ASPA: variants seen among roughly 807,000 people sequenced by gnomAD.
The protein encoded by ASPA is ACY-2.
Under a neutral mutation model 29.6 loss-of-function variants are expected in ASPA, and 25 were observed. The ratio of observed to expected loss-of-function variants is 0.85; its 90% CI spans 0.62 to 1.18. ASPA has a LOEUF of 1.18. ASPA is among the 50% of genes most tolerant of loss of function. The pLI is 0.00. For missense variants in ASPA, 333 were observed against 385.7 expected, an observed-to-expected ratio of 0.86 and a Z score of 1.14; for synonymous variants, 131 against 130.3, an observed-to-expected ratio of 1.01 and a Z score of -0.04.
At position 3,480,492 on chromosome 17, in the gene ASPA, ATAAGCCAGTT is replaced by A. The variant is rs370110295; in HGVS notation, c.237-1108_237-1099del. 4.2e-3 allele frequency among the ~76,000 whole-genome samples: 643 copies of A among 152,364 alleles called. 7 individuals are homozygous for A. The highest frequency in any genetic ancestry group is 0.014 in the African/African-American group (584 of 41,586). ...TCCTACGTGGGGACCACGAGACCAG[ATAAGCCAGTT>A]TATCCATCTGGGTGGTGCCAGCTGA... On this transcript the variant is annotated intron_variant, in intron 1 of 5. Transcript: ENST00000263080.
At chr17:3,494,286 G>T in intron 4 of ASPA, 64 bp from the exon 5 acceptor site, 1 of 1,279,482 alleles carries the variant, frequency 7.8e-7, no homozygotes, top group South Asian at 1.2e-5. Context: ...TGACAGGCAT[G>T]AGCCACCACA....
rs2150750175 is a variant in ASPA at position 3,485,425 on chromosome 17, A to G, written c.526+1833A>G. 6.6e-6 allele frequency among the ~76,000 whole-genome samples: 1 copy of G among 152,318 alleles called. No homozygotes were observed. Among genetic ancestry groups the G allele is most frequent in the Non-Finnish European group, 1.5e-5 (1 of 68,022 alleles). On this transcript the variant is annotated intron_variant, in intron 3 of 5. Coordinates refer to ENST00000263080, the MANE Select transcript of ASPA (RefSeq NM_000049.4). The surrounding 1 kb of genome is among the most constrained non-coding windows in gnomAD (Gnocchi z 4.4). ...TATAAAATACTAGCCAACCAGGAGA[A>G]TCGCTTGAACCCCGGAGGTGGAGGT...
intron 4 of ASPA, among the ~76,000 whole-genome samples, chr17:3,492,485 A>T (rs1243345729): frequency 6.6e-6 from 1 of 152,186 alleles, no homozygotes; most frequent in African/African-American, 2.4e-5. Flanking sequence ...CCGCGTCCAC[A>T]TCCTGGCAGT....
At chr17:3,493,603 T>C (rs932295053) in intron 4 of ASPA, among the ~76,000 whole-genome samples, 1 of 144,650 alleles carries the variant, frequency 6.9e-6, no homozygotes, top group Non-Finnish European at 1.5e-5. Context: ...AAGAGCACGA[T>C]ACTGAAGTCA....
rs1324973250 is a variant in ASPA, at chr17:3,495,567, T to C, written c.744+1108T>C. ...CAGTGTTTGTTTTTGTTTTTGTTTT[T>C]GTTTTTGTTTTTGTTTTTTGAGATG... On this transcript the variant is annotated intron_variant, in intron 5 of 5. Coordinates refer to ENST00000263080, the MANE Select transcript of ASPA (RefSeq NM_000049.4). Among the ~76,000 whole-genome samples, 7 of 152,066 alleles carry C rather than the reference T, an allele frequency of 4.6e-5. No individual in the cohort carries two copies. The South Asian group carries it at 8.3e-4, about 18-fold the overall frequency.
At chr17:3,478,728 A>G (rs1005710269) in intron 1 of ASPA, among the ~76,000 whole-genome samples, 1 of 152,194 alleles carries the variant, frequency 6.6e-6, no homozygotes, top group South Asian at 2.1e-4. Context: ...TTGAAAAATT[A>G]TAAAATAGAT....
At position 3,481,530 on chromosome 17, in the gene ASPA, C is replaced by T. The variant is rs2073626420; in HGVS notation, c.237-73C>T. The T allele has an allele frequency of 4.3e-6, 6 of 1,408,682 alleles. No individual in the cohort carries two copies. In the East Asian group the frequency reaches 7.2e-5, roughly 17 times the overall value. The allele number at this position is 1,408,682 out of a possible 1,614,324, so 87.3% of individuals were successfully genotyped here. On this transcript the variant is annotated intron_variant, in intron 1 of 5. Coordinates refer to ENST00000263080, the MANE Select transcript of ASPA (RefSeq NM_000049.4). The stretch of plus-strand genomic sequence containing the variant: ...GATTTGGCGACTGGTTCTTTTTACA[C>T]TGTGTTCTTATTATATGTTTATATT...
At chr17:3,476,522 A>G in intron 1 of ASPA, 127 bp downstream of exon 1, 1 of 875,612 alleles carries the variant, frequency 1.1e-6, no homozygotes, top group Non-Finnish European at 1.9e-6. Flanking sequence ...TATGTTGAAT[A>G]AGATCACTTT....
intron 4 of ASPA, among the ~76,000 whole-genome samples, chr17:3,491,005 C>A (rs6502728): frequency 0.79 from 119,524 of 152,126 alleles, 47,710 homozygotes; most frequent in Middle Eastern, 0.88. Context: ...CTCCTATCCA[C>A]AGAATGCTGA....
At chr17:3,496,930 G>A (rs1182732196) in intron 5 of ASPA, among the ~76,000 whole-genome samples, 1 of 152,180 alleles carries the variant, frequency 6.6e-6, no homozygotes, top group Non-Finnish European at 1.5e-5. Flanking sequence ...GCCGGGCATG[G>A]TGGCAGGCGC....
chr17:3,489,108 T>C (rs2073776320), intron 3 of ASPA, 127 bp from the exon 4 acceptor site: 1 of 658,370 alleles, frequency 1.5e-6, no homozygotes, highest in African/African-American at 1.8e-5. Context: ...TTTTCCATGA[T>C]GCTACATGGT....
intron 4 of ASPA, among the ~76,000 whole-genome samples, chr17:3,491,473 G>A (rs556878768): frequency 9.2e-5 from 14 of 152,242 alleles, no homozygotes; most frequent in Admixed American, 2.6e-4. Context: ...CTGGCCAGGC[G>A]CGGTGGCTCA....
chr17:3,491,509 G>A (rs2073823396), intron 4 of ASPA, among the ~76,000 whole-genome samples: 1 of 152,154 alleles, frequency 6.6e-6, no homozygotes, highest in Non-Finnish European at 1.5e-5. Flanking sequence ...CACTTTGGGA[G>A]GCTGAGGCAG....
chr17:3,499,047 C>A lies in ASPA; in HGVS notation c.901C>A (p.Leu301Ile), dbSNP rs1256188187. 1.2e-6 allele frequency: 2 copies of A among 1,614,188 alleles called. No individual in the cohort carries two copies. The highest frequency in any genetic ancestry group is 1.7e-6 in the Non-Finnish European group (2 of 1,180,028). Residue 301 changes from leucine (L) to isoleucine (I), a missense_variant, in exon 6 of 6, where the codon CTA (leucine) becomes ATA (isoleucine). Physicochemically the swap from Leu to Ile is conservative, Grantham distance 5. Transcript: ENST00000263080. ...AGAAGCTTTTGCAAAGACAACTAAACTAACGCTCAATGCAAAAAGTATTCG... is the reference window on the plus strand; with the variant it reads ...AGAAGCTTTTGCAAAGACAACTAAAATAACGCTCAATGCAAAAAGTATTCG... ...KKEAFAKTTK[L>I]TLNAKSIRCC...
At chr17:3,474,548 A>G, upstream of ASPA, among the ~76,000 whole-genome samples, 1 of 152,182 alleles carries the variant, frequency 6.6e-6, no homozygotes, top group East Asian at 1.9e-4. Flanking sequence ...TTCAGTGTAC[A>G]TGGATGTGGA....
intron 3 of ASPA, among the ~76,000 whole-genome samples, chr17:3,487,269 A>G (rs1409144433): frequency 2.0e-5 from 3 of 152,236 alleles, no homozygotes; most frequent in African/African-American, 7.2e-5. Context: ...GTTGACTCAG[A>G]AAGATTGTCT....
Position 3,483,372 on chromosome 17 carries a change from C to T in ASPA, c.433-127C>T, listed in dbSNP as rs548519846. ...AATACCATTGGGTTTTAAAGTATTT[C>T]ATAAAGCTGTCTTACCAATCTTAGT... On this transcript the variant is annotated intron_variant, in intron 2 of 5. Coordinates refer to ENST00000263080, the MANE Select transcript of ASPA (RefSeq NM_000049.4). 14 of 788,064 alleles carry T rather than the reference C, an allele frequency of 1.8e-5. No individual in the cohort carries two copies. In the South Asian group the frequency reaches 2.0e-4, roughly 11 times the overall value. 48.8% of individuals were successfully genotyped at this position (788,064 alleles called of 1,614,324 possible). A position where few individuals can be genotyped will look rare whatever the true frequency, so the allele number is the denominator to read the frequency against.
In ASPA at chr17:3,490,316, C is replaced by T. The variant is rs2073802847; in HGVS notation, c.634+974C>T. Among the ~76,000 whole-genome samples, 1 of 152,128 alleles carries T rather than the reference C, an allele frequency of 6.6e-6. No individual in the cohort carries two copies. Among genetic ancestry groups the T allele is most frequent in the African/African-American group, 2.4e-5 (1 of 41,396 alleles). On this transcript the variant is annotated intron_variant, in intron 4 of 5. Transcript: ENST00000263080. This position sits in a 1 kb window ranked among gnomAD's most constrained non-coding sequence, Gnocchi z 4.6. ...TATGCAGCTCTATGCACTATCTGCT[C>T]ATTTATTTGGTAAATCTAAAACTGC...
rs2073706821 is a variant in ASPA, at chr17:3,485,741, C to T, written c.526+2149C>T. Among the ~76,000 whole-genome samples the T allele has an allele frequency of 6.6e-6, 1 of 152,172 alleles. No homozygotes were observed. The highest frequency in any genetic ancestry group is 6.5e-5 in the Admixed American group (1 of 15,274). ...CCCGACTTACAAGCTAACCATTAGCCTAGCACCTCTGAGTGGATGCCAGTA... is the reference window on the plus strand; with the variant it reads ...CCCGACTTACAAGCTAACCATTAGCTTAGCACCTCTGAGTGGATGCCAGTA... On this transcript the variant is annotated intron_variant, in intron 3 of 5. Transcript: ENST00000263080. The surrounding 1 kb of genome is among the most constrained non-coding windows in gnomAD (Gnocchi z 4.4).
Sources: allele counts gnomAD v4.1 joint callset (sites outside exome capture counted in the v4.1 genomes callset), GRCh38; gene constraint gnomAD v4.1.1; non-coding constraint Gnocchi (gnomAD v3.1); transcripts MANE v1.5; gene names NCBI Gene and HGNC (gene_info 2026-07-23, HGNC 2026-07-21).